The following ATP8A1 variants were observed in gnomAD, a reference collection of about 807,000 sequenced individuals.
ATP8A1 encodes phospholipid-transporting ATPase IA.
ATP8A1 carries 90 observed loss-of-function variants against 177.7 expected under a neutral mutation model. That is an observed-to-expected ratio of 0.51 (90% confidence interval 0.43 to 0.60). The LOEUF (loss-of-function observed/expected upper bound fraction) is 0.60. Ranked by LOEUF, ATP8A1 falls within the 20% of genes least tolerant of loss-of-function variation. The pLI, the probability that ATP8A1 is intolerant of heterozygous loss-of-function variation, is 0.00. For synonymous variants in ATP8A1, 493 were observed against 485.9 expected, an observed-to-expected ratio of 1.01 and a Z score of -0.19; for missense variants, 1,072 against 1,392.8, an observed-to-expected ratio of 0.77 and a Z score of 3.67.
intron 27 of ATP8A1, among the ~76,000 whole-genome samples, chr4:42,463,489 CTCT>C (rs1199915267): frequency 6.6e-6 from 1 of 152,188 alleles, no homozygotes; most frequent in Non-Finnish European, 1.5e-5. Context: ...TCCATTAAAC[CTCT>C]TCCTTTTGTA....
chr4:42,542,414 G>C (rs1301872773), intron 20 of ATP8A1, among the ~76,000 whole-genome samples: 1 of 151,814 alleles, frequency 6.6e-6, no homozygotes, highest in Admixed American at 6.6e-5. Context: ...TAAAGTGGAA[G>C]GTCTTAAAGG....
At chr4:42,515,206 A>C (rs1323151735) in intron 22 of ATP8A1, among the ~76,000 whole-genome samples, 1 of 152,228 alleles carries the variant, frequency 6.6e-6, no homozygotes, top group East Asian at 1.9e-4. Flanking sequence ...AATGTTCTTA[A>C]GCAAATAGAA....
At chr4:42,618,492 C>T (rs1380851763) in intron 4 of ATP8A1, among the ~76,000 whole-genome samples, 1 of 152,198 alleles carries the variant, frequency 6.6e-6, no homozygotes, top group African/African-American at 2.4e-5. Context: ...ACCTTAATCT[C>T]CAAGACCTGG....
chr4:42,572,125 T>G (rs1432416874), intron 14 of ATP8A1, among the ~76,000 whole-genome samples: 1 of 152,182 alleles, frequency 6.6e-6, no homozygotes. Context: ...CAAAGGCTTT[T>G]GTCAGGATAT....
chr4:42,646,511 A>G (rs1422381235), intron 1 of ATP8A1, among the ~76,000 whole-genome samples: 1 of 152,238 alleles, frequency 6.6e-6, no homozygotes, highest in Non-Finnish European at 1.5e-5. Flanking sequence ...AATTAACCAC[A>G]GGGACCTAGG....
intron 1 of ATP8A1, among the ~76,000 whole-genome samples, chr4:42,634,229 G>A (rs1380470589): frequency 6.6e-6 from 1 of 152,190 alleles, no homozygotes; most frequent in Non-Finnish European, 1.5e-5. Context: ...CTTCATGATT[G>A]CATGATGCTC....
Position 42,574,612 on chromosome 4 carries a change from A to T in ATP8A1, c.1295+7T>A. Reference sequence around the variant, plus strand: ...ATTTCATATCCTAATTAAAGGAAAAAACTCACCCATAAGCAACTCCCGCTA... The same window carrying T: ...ATTTCATATCCTAATTAAAGGAAAATACTCACCCATAAGCAACTCCCGCTA... On this transcript the variant is annotated splice_region_variant and intron_variant, in intron 14 of 36. Coordinates refer to ENST00000381668, the MANE Select transcript of ATP8A1 (RefSeq NM_006095.2). 6.2e-7 allele frequency: 1 copy of T among 1,605,022 alleles called. No homozygotes were observed. The highest frequency in any genetic ancestry group is 8.5e-7 in the Non-Finnish European group (1 of 1,176,260).
intron 30 of ATP8A1, among the ~76,000 whole-genome samples, 199 bp downstream of exon 30, chr4:42,451,782 T>C (rs1294899454): frequency 6.6e-6 from 1 of 152,248 alleles, no homozygotes; most frequent in African/African-American, 2.4e-5. Flanking sequence ...AAGAAAGGCT[T>C]TGCATATATT....
chr4:42,589,501 A>G (rs1046595696), intron 7 of ATP8A1, among the ~76,000 whole-genome samples: 3 of 152,198 alleles, frequency 2.0e-5, no homozygotes, highest in East Asian at 1.9e-4. Flanking sequence ...ACACATAGAC[A>G]TTAATCAAAA....
intron 9 of ATP8A1, among the ~76,000 whole-genome samples, chr4:42,581,954 C>T (rs1733129874): frequency 6.6e-6 from 1 of 152,120 alleles, no homozygotes; most frequent in Admixed American, 6.5e-5. Flanking sequence ...TGTAACTTCA[C>T]TATCTGGTAT....
At chr4:42,447,057 AC>A (rs1357902398) in intron 30 of ATP8A1, among the ~76,000 whole-genome samples, 1 of 152,204 alleles carries the variant, frequency 6.6e-6, no homozygotes, top group Admixed American at 6.5e-5. Context: ...CATAAAAGCA[AC>A]TCACAGAGGG....
chr4:42,570,823 C>A (rs988848705), intron 14 of ATP8A1, among the ~76,000 whole-genome samples: 2 of 152,204 alleles, frequency 1.3e-5, no homozygotes, highest in Non-Finnish European at 2.9e-5. Context: ...GATCTCAACT[C>A]CAGAATCACT....
intron 33 of ATP8A1, among the ~76,000 whole-genome samples, chr4:42,429,293 A>G (rs1217310067): frequency 6.6e-6 from 1 of 152,154 alleles, no homozygotes; most frequent in East Asian, 1.9e-4. Flanking sequence ...TAAAAGCTAA[A>G]TATGTTAAAC....
rs1365354589 is a variant in ATP8A1, at chr4:42,590,997, A to G, written c.451-113T>C. On this transcript the variant is annotated intron_variant, in intron 6 of 36. Transcript: ENST00000381668. ...AAAGTTCGAAATTATTATAGAAAAT[A>G]ATACATGTTAATAAAAACATCTAAT... 3 of 911,128 alleles carry G rather than the reference A, an allele frequency of 3.3e-6. No homozygotes were observed. In the African/African-American group the frequency reaches 5.1e-5, roughly 15 times the overall value. The allele number at this position is 911,128 out of a possible 1,614,324, so 56.4% of individuals were successfully genotyped here. A position where few individuals can be genotyped will look rare whatever the true frequency, so the allele number is the denominator to read the frequency against.
chr4:42,418,071 A>G (rs1713447145), intron 35 of ATP8A1, among the ~76,000 whole-genome samples: 3 of 152,214 alleles, frequency 2.0e-5, no homozygotes, highest in Admixed American at 2.0e-4. Context: ...CCTTTCTACT[A>G]GTTCTGGAGC....
At chr4:42,575,847 C>G in intron 12 of ATP8A1, 148 bp from the exon 13 acceptor site, 1 of 656,890 alleles carries the variant, frequency 1.5e-6, no homozygotes. Context: ...TATTCCTATA[C>G]CATTTAATTC....
chr4:42,435,919 A>T (rs1715940906), intron 33 of ATP8A1, among the ~76,000 whole-genome samples: 2 of 152,000 alleles, frequency 1.3e-5, no homozygotes, highest in Admixed American at 1.3e-4. Context: ...ATCTTTACTT[A>T]TTCTTCATTT....
intron 15 of ATP8A1, among the ~76,000 whole-genome samples, chr4:42,557,338 CCATTA>C (rs1730344304): frequency 6.6e-6 from 1 of 152,082 alleles, no homozygotes; most frequent in Non-Finnish European, 1.5e-5. Flanking sequence ...CCAAATATCA[CCATTA>C]ATTAAAAAGA....
chr4:42,495,596 A>G (rs796654879), intron 24 of ATP8A1, among the ~76,000 whole-genome samples: 7 of 136,198 alleles, frequency 5.1e-5, no homozygotes, highest in African/African-American at 1.8e-4. Context: ...AACTTATTTT[A>G]AAAAATTGTA....
Sources: gnomAD v4.1 joint callset for allele counts (sites outside exome capture counted in the v4.1 genomes callset) on GRCh38, gnomAD v4.1.1 for gene constraint, MANE v1.5 for transcripts, NCBI Gene and HGNC (gene_info 2026-07-23, HGNC 2026-07-21) for gene names.